Variants in FER observed in about 807,000 individuals in gnomAD.
FER encodes the protein FER tyrosine kinase.
FER carries 63 observed loss-of-function variants against 111.0 expected under a neutral mutation model. The observed-to-expected ratio is 0.57, with a 90% CI of 0.46 to 0.70. The LOEUF is 0.70. Among genes scored for constraint, FER ranks in the 30% least tolerant of loss-of-function variants. FER has a pLI of 0.00. For missense variants in FER, 914 were observed against 954.0 expected, an observed-to-expected ratio of 0.96 and a Z score of 0.55; for synonymous variants, 327 against 313.9, an observed-to-expected ratio of 1.04 and a Z score of -0.44.
At chr5:109,134,070 A>C (rs540673928) in intron 17 of FER, among the ~76,000 whole-genome samples, 22 of 152,278 alleles carry the variant, frequency 1.4e-4, no homozygotes, top group African/African-American at 4.8e-4. Flanking sequence ...ATTAGTTCCT[A>C]AGTATCTTAT....
chr5:108,897,548 C>G (rs1399872659), intron 9 of FER, 111 bp from the exon 10 acceptor site: 1 of 761,842 alleles, frequency 1.3e-6, no homozygotes, highest in African/African-American at 1.8e-5. Context: ...TTTTATGATT[C>G]TAAAGGGCTC....
intron 3 of FER, among the ~76,000 whole-genome samples, chr5:108,803,819 G>A (rs1229618912): frequency 1.3e-5 from 2 of 151,964 alleles, no homozygotes; most frequent in African/African-American, 2.4e-5. Flanking sequence ...CTATTTGGGC[G>A]ACTTTTTGGT....
intron 13 of FER, among the ~76,000 whole-genome samples, chr5:108,983,380 C>T (rs1324326294): frequency 6.6e-6 from 1 of 152,012 alleles, no homozygotes; most frequent in Non-Finnish European, 1.5e-5. Context: ...TGTATGCTTC[C>T]TTAAAATGCC....
chr5:109,012,348 T>A (rs1327979414), intron 13 of FER, among the ~76,000 whole-genome samples: 1 of 152,146 alleles, frequency 6.6e-6, no homozygotes, highest in Non-Finnish European at 1.5e-5. Flanking sequence ...ATTTAGTATG[T>A]TTTTCATGGG....
chr5:109,137,761 T>C (rs1753057613), intron 17 of FER, among the ~76,000 whole-genome samples: 1 of 152,210 alleles, frequency 6.6e-6, no homozygotes, highest in Non-Finnish European at 1.5e-5. Flanking sequence ...AGTACCCCTG[T>C]GGCTTCAACC....
In FER at chr5:109,195,182, G is replaced by C. The variant is rs747587625; in HGVS notation, c.*7607G>C. 20 of 152,198 alleles carry C rather than the reference G, an allele frequency of 1.3e-4. 1 individual carries two copies. Among genetic ancestry groups the C allele is most frequent in the Non-Finnish European group, 1.3e-4 (9 of 68,042 alleles). 9.4% of individuals were successfully genotyped at this position (152,198 alleles called of 1,614,324 possible). On this transcript the variant is annotated 3_prime_UTR_variant, in exon 20 of 20. Coordinates refer to ENST00000281092, the MANE Select transcript of FER (RefSeq NM_005246.4). ...AGACAGTTGGAAGCAAATGCCGAGG[G>C]AAAGGTGCCCAGAGCCATGCTTGAT... is the stretch of plus-strand genomic sequence containing the variant.
intron 10 of FER, among the ~76,000 whole-genome samples, chr5:108,913,671 A>T (rs905403557): frequency 6.6e-6 from 1 of 152,182 alleles, no homozygotes; most frequent in Non-Finnish European, 1.5e-5. Flanking sequence ...CTCAATAGAA[A>T]TACATACATA....
chr5:109,174,858 G>A (rs2126819795), intron 17 of FER, among the ~76,000 whole-genome samples: 1 of 152,246 alleles, frequency 6.6e-6, no homozygotes, highest in East Asian at 1.9e-4. Flanking sequence ...AGCATAGTAG[G>A]TGGCTAAAAT....
chr5:109,179,830 G>A lies in FER; in HGVS notation c.2049-917G>A, dbSNP rs1031525997. Among the ~76,000 whole-genome samples, 18 of 152,154 alleles carry A rather than the reference G, an allele frequency of 1.2e-4. 1 individual carries two copies. The highest frequency in any genetic ancestry group is 9.2e-4 in the Admixed American group (14 of 15,274). On this transcript the variant is annotated intron_variant, in intron 17 of 19. Transcript: ENST00000281092. ...AGCATCTTTGGATTTTGGTATCTGA[G>A]GGGGGGTCCTGGAACCAATCATGGA...
At chr5:108,810,062 TC>T (rs1757587634) in intron 3 of FER, among the ~76,000 whole-genome samples, 1 of 148,734 alleles carries the variant, frequency 6.7e-6, no homozygotes, top group Non-Finnish European at 1.5e-5. Context: ...TAGGAATTTT[TC>T]TTTTTTCTTT....
chr5:108,844,077 C>CAT lies in FER; in HGVS notation c.481+8275_481+8276dup, dbSNP rs764968790. Among the ~76,000 whole-genome samples, 368 of 131,308 alleles carry CAT rather than the reference C, an allele frequency of 2.8e-3. 6 individuals carry two copies. Among genetic ancestry groups the CAT allele is most frequent in the African/African-American group, 8.1e-3 (302 of 37,176 alleles). 86.1% of individuals were successfully genotyped at this position (131,308 alleles called of 152,430 possible). On this transcript the variant is annotated intron_variant, in intron 5 of 19. Coordinates refer to ENST00000281092, the MANE Select transcript of FER (RefSeq NM_005246.4). ...GTGTGAACATATATATGTGTGTGAA[C>CAT]ATATATGCGTGTGAACATATGTGTG...
chr5:109,044,570 A>G, intron 14 of FER, 110 bp from the exon 15 acceptor site: 1 of 571,344 alleles, frequency 1.8e-6, no homozygotes, highest in East Asian at 2.9e-5. Flanking sequence ...ATCACTGGTG[A>G]TATTGACATG....
At chr5:109,105,190 CTT>C (rs1319349628) in intron 17 of FER, among the ~76,000 whole-genome samples, 2 of 143,152 alleles carry the variant, frequency 1.4e-5, no homozygotes, top group African/African-American at 2.6e-5. Flanking sequence ...CCTATGTGTA[CTT>C]TTTTAGTTAA....
intron 17 of FER, among the ~76,000 whole-genome samples, chr5:109,142,870 G>C (rs760894027): frequency 6.6e-6 from 1 of 152,148 alleles, no homozygotes; most frequent in Non-Finnish European, 1.5e-5. Flanking sequence ...CAGAGTATTA[G>C]AATTGTAGAT....
intron 2 of FER, among the ~76,000 whole-genome samples, chr5:108,787,198 T>C (rs1248776208): frequency 3.3e-5 from 5 of 152,180 alleles, no homozygotes; most frequent in African/African-American, 2.4e-5. Context: ...GGAGCAAAGC[T>C]GTGGCCAAGT....
chr5:108,999,448 G>A (rs954077458), intron 13 of FER, among the ~76,000 whole-genome samples: 1 of 151,944 alleles, frequency 6.6e-6, no homozygotes, highest in Admixed American at 6.6e-5. Context: ...TTCTTTAAAT[G>A]GATATTTTTA....
intron 2 of FER, among the ~76,000 whole-genome samples, chr5:108,771,544 G>A (rs1340434713): frequency 6.6e-6 from 1 of 152,096 alleles, no homozygotes; most frequent in African/African-American, 2.4e-5. Context: ...TGAGGCTAGT[G>A]CTGCTTTCAC....
At chr5:109,086,376 T>G (rs1303241232) in intron 16 of FER, among the ~76,000 whole-genome samples, 1 of 151,792 alleles carries the variant, frequency 6.6e-6, no homozygotes, top group African/African-American at 2.4e-5. Context: ...TGTTTCATCT[T>G]TCAATTCTGA....
intron 17 of FER, among the ~76,000 whole-genome samples, chr5:109,103,064 T>A (rs573421155): frequency 1.2e-4 from 18 of 152,154 alleles, no homozygotes; most frequent in East Asian, 1.2e-3. Flanking sequence ...ACTGAAAAAA[T>A]TTTTAATGAA....
Sources: allele counts gnomAD v4.1 joint callset (sites outside exome capture counted in the v4.1 genomes callset), GRCh38; gene constraint gnomAD v4.1.1; transcripts MANE v1.5; gene names NCBI Gene and HGNC (gene_info 2026-07-23, HGNC 2026-07-21).